SOX5: variants seen among roughly 807,000 people sequenced by gnomAD.
SOX5 encodes the protein SRY-box transcription factor 5, also known as transcription factor SOX-5.
In SOX5, 9 loss-of-function variants were observed where a neutral mutation model predicts 92.0. The ratio of observed to expected loss-of-function variants is 0.10; its 90% CI spans 0.06 to 0.17. The LOEUF (loss-of-function observed/expected upper bound fraction) is 0.17, where lower values mean the gene tolerates loss of function less well. SOX5 is among the 10% of genes least tolerant of loss of function. SOX5 has a pLI of 1.00. For synonymous variants in SOX5, 344 were observed against 336.3 expected, an observed-to-expected ratio of 1.02 and a Z score of -0.25; for missense variants, 642 against 944.5, an observed-to-expected ratio of 0.68 and a Z score of 4.20.
intron 3 of SOX5, among the ~76,000 whole-genome samples, chr12:24,258,815 C>A (rs1298185741): frequency 6.6e-6 from 1 of 152,106 alleles, no homozygotes; most frequent in Non-Finnish European, 1.5e-5. Flanking sequence ...TACATTAATT[C>A]ATTTACTGTC....
chr12:23,629,416 C>A (rs1566514274), intron 8 of SOX5, among the ~76,000 whole-genome samples: 2 of 152,032 alleles, frequency 1.3e-5, no homozygotes, highest in Non-Finnish European at 2.9e-5. Flanking sequence ...GGATTCCGGG[C>A]ACCCTTTTGT....
chr12:23,652,814 G>A (rs1415218211), intron 7 of SOX5, among the ~76,000 whole-genome samples: 2 of 151,970 alleles, frequency 1.3e-5, no homozygotes, highest in Admixed American at 6.6e-5. Flanking sequence ...CTAGTCCTCT[G>A]CTAACGAAAT....
intron 2 of SOX5, among the ~76,000 whole-genome samples, chr12:23,854,074 G>C (rs1277446586): frequency 6.6e-6 from 1 of 152,030 alleles, no homozygotes; most frequent in African/African-American, 2.4e-5. Context: ...CTATGTGTCT[G>C]AAGGAAGAAA....
chr12:23,744,960 A>G (rs932292016), intron 4 of SOX5, among the ~76,000 whole-genome samples: 2 of 152,190 alleles, frequency 1.3e-5, no homozygotes, highest in East Asian at 1.9e-4. Flanking sequence ...CGGTCTGTAC[A>G]TACCCATGTC....
chr12:23,557,057 A>C (rs779043138), intron 11 of SOX5, among the ~76,000 whole-genome samples: 17 of 152,216 alleles, frequency 1.1e-4, no homozygotes, highest in African/African-American at 3.9e-4. Context: ...AACATTGGTC[A>C]CTGTCATTTC....
intron 1 of SOX5, among the ~76,000 whole-genome samples, chr12:24,410,246 C>T (rs1047782821): frequency 6.6e-6 from 1 of 152,150 alleles, no homozygotes; most frequent in African/African-American, 2.4e-5. Context: ...GATCCGCTTG[C>T]CTCGGCCTCC....
intron 11 of SOX5, among the ~76,000 whole-genome samples, chr12:23,562,331 T>G (rs1477793868): frequency 9.2e-5 from 14 of 152,218 alleles, no homozygotes; most frequent in East Asian, 7.7e-4. Flanking sequence ...CTATGCAGAT[T>G]GCCAGCTTCT....
chr12:23,838,456 G>C (rs1280022542), intron 3 of SOX5, among the ~76,000 whole-genome samples: 4 of 151,800 alleles, frequency 2.6e-5, no homozygotes, highest in African/African-American at 9.7e-5. Context: ...ACATGTCAAA[G>C]AATCTTGTGT....
chr12:23,984,718 C>G (rs919483269), intron 4 of SOX5, among the ~76,000 whole-genome samples: 1 of 152,062 alleles, frequency 6.6e-6, no homozygotes, highest in Non-Finnish European at 1.5e-5. Context: ...AAACTATAGG[C>G]CTTTTCAGTC....
chr12:24,248,617 T>G (rs528976621), intron 3 of SOX5, among the ~76,000 whole-genome samples: 37 of 152,160 alleles, frequency 2.4e-4, no homozygotes, highest in Non-Finnish European at 5.0e-4. Flanking sequence ...AATCCTGACT[T>G]CAAGTGATCC....
intron 1 of SOX5, among the ~76,000 whole-genome samples, chr12:24,503,685 T>G (rs1333481519): frequency 6.6e-6 from 1 of 152,166 alleles, no homozygotes; most frequent in African/African-American, 2.4e-5. Flanking sequence ...GGTACATGAA[T>G]GAAGCTGGAA....
At chr12:23,992,408 T>C (rs1232729956) in intron 4 of SOX5, among the ~76,000 whole-genome samples, 1 of 152,184 alleles carries the variant, frequency 6.6e-6, no homozygotes, top group Non-Finnish European at 1.5e-5. Flanking sequence ...TCAAATTATG[T>C]AAGTAAACAA....
chr12:24,397,061 A>G (rs1374820926), intron 1 of SOX5, among the ~76,000 whole-genome samples: 1 of 152,202 alleles, frequency 6.6e-6, no homozygotes, highest in African/African-American at 2.4e-5. Context: ...TGGAAGTACC[A>G]TCGCATCCTG....
chr12:24,327,615 G>A (rs1022985256), intron 2 of SOX5, among the ~76,000 whole-genome samples: 3 of 151,124 alleles, frequency 2.0e-5, no homozygotes, highest in Admixed American at 6.6e-5. Flanking sequence ...ACAGAGTCTC[G>A]CTCTGTCCCC....
intron 1 of SOX5, among the ~76,000 whole-genome samples, chr12:24,463,664 CCTAT>C (rs758582126): frequency 6.6e-6 from 1 of 152,140 alleles, no homozygotes. Flanking sequence ...CGGCAAAATG[CCTAT>C]CTATTTTCAG....
chr12:23,953,895 G>T (rs549263881), upstream of SOX5, among the ~76,000 whole-genome samples: 3 of 152,122 alleles, frequency 2.0e-5, no homozygotes, highest in South Asian at 6.2e-4. Context: ...GAAAAAGTAT[G>T]CTTTTGAGCT....
intron 1 of SOX5, among the ~76,000 whole-genome samples, chr12:24,529,777 C>T (rs986752290): frequency 1.1e-4 from 16 of 152,252 alleles, no homozygotes; most frequent in Admixed American, 9.8e-4. Flanking sequence ...CCCGGCACTT[C>T]AGGAGGCCGA....
intron 4 of SOX5, among the ~76,000 whole-genome samples, chr12:23,752,323 A>C (rs1323025621): frequency 2.0e-5 from 3 of 151,924 alleles, no homozygotes; most frequent in Non-Finnish European, 4.4e-5. Context: ...AATTTTTTAA[A>C]GTGACTTGGC....
At chr12:24,159,847 AT>A (rs1455829964) in intron 4 of SOX5, among the ~76,000 whole-genome samples, 1 of 152,000 alleles carries the variant, frequency 6.6e-6, no homozygotes. Flanking sequence ...ATGAAACATT[AT>A]TCAGAATACA....
Sources: gnomAD v4.1 joint callset for allele counts (sites outside exome capture counted in the v4.1 genomes callset) on GRCh38, gnomAD v4.1.1 for gene constraint, MANE v1.5 for transcripts, NCBI Gene and HGNC (gene_info 2026-07-23, HGNC 2026-07-21) for gene names.